Variants in PTPRD observed in about 807,000 individuals in gnomAD.
PTPRD encodes receptor-type tyrosine-protein phosphatase delta.
A neutral mutation model predicts 214.5 loss-of-function variants in PTPRD; 34 were observed. The ratio of observed to expected loss-of-function variants is 0.16; its 90% CI spans 0.12 to 0.21. PTPRD has a LOEUF of 0.21. Ranked by LOEUF, PTPRD falls within the 10% of genes least tolerant of loss-of-function variation. The pLI is 1.00. For synonymous variants in PTPRD, 1,128 were observed against 845.7 expected (o/e 1.33, Z -5.79); for missense variants, 2,545 against 2,398.7 (o/e 1.06, Z -1.27).
intron 10 of PTPRD, among the ~76,000 whole-genome samples, chr9:9,114,613 T>A (rs2099810459): frequency 6.6e-6 from 1 of 152,066 alleles, no homozygotes; most frequent in Non-Finnish European, 1.5e-5. Context: ...GACTTTATGG[T>A]CCTGAGGATA....
At chr9:9,022,192 G>T (rs961109730) in intron 10 of PTPRD, among the ~76,000 whole-genome samples, 1 of 151,826 alleles carries the variant, frequency 6.6e-6, no homozygotes, top group Non-Finnish European at 1.5e-5. Context: ...AGTAAGCTAA[G>T]GTTAACTGAT....
intron 9 of PTPRD, among the ~76,000 whole-genome samples, chr9:9,287,662 C>A (rs73390829): frequency 0.019 from 2,911 of 151,962 alleles, 97 homozygotes; most frequent in African/African-American, 0.067. Flanking sequence ...AAAGGTCCTA[C>A]TGTGAAACAG....
At chr9:10,024,745 G>A (rs551557495) in intron 4 of PTPRD, among the ~76,000 whole-genome samples, 1 of 147,554 alleles carries the variant, frequency 6.8e-6, no homozygotes, top group African/African-American at 2.5e-5. Flanking sequence ...TCGTCATTTA[G>A]CATTAGGTAT....
intron 2 of PTPRD, among the ~76,000 whole-genome samples, chr9:10,515,441 G>C (rs905217445): frequency 6.6e-6 from 1 of 151,940 alleles, no homozygotes; most frequent in Non-Finnish European, 1.5e-5. Context: ...ACTATTGCTA[G>C]CTTGAAGAAC....
intron 44 of PTPRD, among the ~76,000 whole-genome samples, chr9:8,324,020 G>C (rs886552271): frequency 6.6e-6 from 1 of 151,664 alleles, no homozygotes; most frequent in Admixed American, 6.6e-5. Context: ...CCATCGATTA[G>C]TCAGCAGCCA....
Position 8,777,445 on chromosome 9 carries a change from G to A in PTPRD, c.-103-43499C>T, listed in dbSNP as rs560501741. Among the ~76,000 whole-genome samples the A allele has an allele frequency of 7.9e-5, 12 of 152,296 alleles. No individual in the cohort carries two copies. In the South Asian group the frequency reaches 2.3e-3, roughly 29 times the overall value. ...AAGACATTTTTACGTAATTTTGAAA[G>A]TAGTTGCCATACCTCCTTCCTCAAA... On this transcript the variant is annotated intron_variant, in intron 11 of 45. Coordinates refer to ENST00000381196, the MANE Select transcript of PTPRD (RefSeq NM_002839.4).
chr9:9,569,610 G>C (rs1017310403), intron 8 of PTPRD, among the ~76,000 whole-genome samples: 1 of 151,150 alleles, frequency 6.6e-6, no homozygotes, highest in South Asian at 2.1e-4. Context: ...GTCTAATCTC[G>C]ATTTTCCCAG....
At chr9:10,270,609 C>T (rs1455898225) in intron 3 of PTPRD, among the ~76,000 whole-genome samples, 1 of 152,122 alleles carries the variant, frequency 6.6e-6, no homozygotes, top group Non-Finnish European at 1.5e-5. Flanking sequence ...TGATCTTCAA[C>T]TCCTTGGAAA....
chr9:9,832,189 C>G (rs2055086138), intron 5 of PTPRD, among the ~76,000 whole-genome samples: 1 of 151,918 alleles, frequency 6.6e-6, no homozygotes, highest in African/African-American at 2.4e-5. Context: ...GTGAAAAACA[C>G]CGTAGTTGAA....
intron 2 of PTPRD, among the ~76,000 whole-genome samples, chr9:10,464,054 T>C (rs1028254192): frequency 1.7e-4 from 26 of 152,122 alleles, no homozygotes; most frequent in African/African-American, 6.3e-4. Context: ...CAAATACCTA[T>C]AACTATAAAT....
At chr9:9,347,403 G>A (rs1029657706) in intron 9 of PTPRD, among the ~76,000 whole-genome samples, 2 of 151,300 alleles carry the variant, frequency 1.3e-5, no homozygotes, top group Non-Finnish European at 2.9e-5. Flanking sequence ...TAACACAATG[G>A]TCAAAATGAA....
At chr9:8,943,682 C>T (rs2154296813) in intron 11 of PTPRD, among the ~76,000 whole-genome samples, 1 of 150,636 alleles carries the variant, frequency 6.6e-6, no homozygotes, top group African/African-American at 2.4e-5. Flanking sequence ...ATAAATGGTT[C>T]TGGGAAAACT....
intron 9 of PTPRD, among the ~76,000 whole-genome samples, chr9:9,292,119 T>C (rs1369463628): frequency 2.0e-5 from 3 of 151,290 alleles, no homozygotes; most frequent in South Asian, 2.1e-4. Context: ...CTGAAAAATA[T>C]AGTGACATGG....
intron 10 of PTPRD, among the ~76,000 whole-genome samples, chr9:9,162,190 G>C (rs551216175): frequency 8.3e-4 from 126 of 152,192 alleles, no homozygotes; most frequent in Middle Eastern, 3.4e-3. Flanking sequence ...GCTAAACTTT[G>C]CTAAACACTG....
intron 5 of PTPRD, among the ~76,000 whole-genome samples, chr9:9,831,955 C>A (rs1022895520): frequency 6.6e-6 from 1 of 151,946 alleles, no homozygotes; most frequent in South Asian, 2.1e-4. Context: ...CATTAAGTGG[C>A]ATTTCAATGT....
At chr9:9,485,302 G>C (rs922549072) in intron 8 of PTPRD, among the ~76,000 whole-genome samples, 1 of 152,136 alleles carries the variant, frequency 6.6e-6, no homozygotes, top group Non-Finnish European at 1.5e-5. Flanking sequence ...TCTCTAAATA[G>C]AAATAGGTTT....
intron 3 of PTPRD, among the ~76,000 whole-genome samples, chr9:10,263,105 G>C (rs527675038): frequency 2.6e-4 from 39 of 152,076 alleles, no homozygotes; most frequent in Non-Finnish European, 4.9e-4. Context: ...GTGGAACTGT[G>C]AGTCCATGAA....
chr9:9,967,237 C>G (rs578218942), intron 4 of PTPRD, among the ~76,000 whole-genome samples: 1 of 152,288 alleles, frequency 6.6e-6, no homozygotes, highest in South Asian at 2.1e-4. Context: ...GTGCCTCCCT[C>G]AGAGTTGTGA....
At chr9:8,349,991 A>C (rs1445023421) in intron 39 of PTPRD, among the ~76,000 whole-genome samples, 1 of 151,684 alleles carries the variant, frequency 6.6e-6, no homozygotes, top group African/African-American at 2.4e-5. Context: ...TTACAAGCTG[A>C]AAGACTATGC....
Sources: allele counts gnomAD v4.1 joint callset (sites outside exome capture counted in the v4.1 genomes callset), GRCh38; gene constraint gnomAD v4.1.1; transcripts MANE v1.5; gene names NCBI Gene and HGNC (gene_info 2026-07-23, HGNC 2026-07-21).